Variants in EPB41L3 observed in about 807,000 individuals in gnomAD.
EPB41L3 encodes band 4.1-like protein 3.
EPB41L3 carries 57 observed loss-of-function variants against 127.1 expected under a neutral mutation model. The ratio of observed to expected loss-of-function variants is 0.45; its 90% CI spans 0.36 to 0.56. The LOEUF (loss-of-function observed/expected upper bound fraction) is 0.56, where lower values mean the gene tolerates loss of function less well. Among genes scored for constraint, EPB41L3 ranks in the 20% least tolerant of loss-of-function variants. EPB41L3 has a pLI of 0.00. For missense variants in EPB41L3, 1,273 were observed against 1,372.2 expected (o/e 0.93, Z 1.14); for synonymous variants, 572 against 549.5 (o/e 1.04, Z -0.57).
At chr18:5,547,473 A>G (rs1598897891), upstream of EPB41L3, among the ~76,000 whole-genome samples, 1 of 152,212 alleles carries the variant, frequency 6.6e-6, no homozygotes, top group African/African-American at 2.4e-5. Context: ...ATGGAAAGTC[A>G]GGAAAGATTC....
chr18:5,465,974 A>AC lies in EPB41L3; in HGVS notation c.381+12266_381+12267insG, dbSNP rs11439313. ...TCCATATGTATTACCACCACCAACA[A>AC]AAAAAAAAAAGTAGGAAAAAAACTA... On this transcript the variant is annotated intron_variant, in intron 3 of 22. Coordinates refer to ENST00000341928, the MANE Select transcript of EPB41L3 (RefSeq NM_012307.5). Among the ~76,000 whole-genome samples the AC allele has an allele frequency of 3.7e-3, 548 of 148,604 alleles. 2 individuals are homozygous for AC. Among genetic ancestry groups the AC allele is most frequent in the African/African-American group, 0.012 (496 of 40,772 alleles).
intron 3 of EPB41L3, among the ~76,000 whole-genome samples, chr18:5,571,277 T>C (rs1263112077): frequency 6.6e-6 from 1 of 152,260 alleles, no homozygotes; most frequent in Non-Finnish European, 1.5e-5. Flanking sequence ...GCCTGCCTAT[T>C]AGAAAATTAT....
intron 3 of EPB41L3, among the ~76,000 whole-genome samples, chr18:5,594,209 G>A (rs912930688): frequency 1.1e-4 from 16 of 152,130 alleles, no homozygotes; most frequent in Non-Finnish European, 1.6e-4. Context: ...TTAATTTGGG[G>A]AACTAATAAA....
intron 1 of EPB41L3, among the ~76,000 whole-genome samples, chr18:5,494,114 C>T (rs1417521500): frequency 6.6e-6 from 1 of 152,184 alleles, no homozygotes; most frequent in African/African-American, 2.4e-5. Flanking sequence ...CTCTTCTTCT[C>T]ACTTCTTTAC....
intron 3 of EPB41L3, chr18:5,610,159 C>A: frequency 1.0e-6 from 1 of 985,392 alleles, no homozygotes; most frequent in Non-Finnish European, 1.2e-6. Context: ...TTATCCACGT[C>A]CCAACAAGCA....
At chr18:5,498,425 C>A (rs2091388945) in intron 1 of EPB41L3, among the ~76,000 whole-genome samples, 1 of 151,810 alleles carries the variant, frequency 6.6e-6, no homozygotes, top group Non-Finnish European at 1.5e-5. Flanking sequence ...GAAACCCCAT[C>A]TCTACTAAAA....
intron 1 of EPB41L3, among the ~76,000 whole-genome samples, chr18:5,616,892 G>T (rs1371251145): frequency 5.3e-5 from 8 of 152,144 alleles, no homozygotes; most frequent in African/African-American, 1.9e-4. Context: ...CTTGTCCATA[G>T]ACATTTGTGT....
intron 9 of EPB41L3, among the ~76,000 whole-genome samples, chr18:5,424,662 A>C (rs2077919043): frequency 1.3e-5 from 2 of 152,222 alleles, no homozygotes; most frequent in Admixed American, 1.3e-4. Context: ...TCTTCCAGAA[A>C]TCAATTTGCC....
chr18:5,560,685 C>A (rs2094112579), intron 3 of EPB41L3, among the ~76,000 whole-genome samples: 1 of 152,004 alleles, frequency 6.6e-6, no homozygotes, highest in Non-Finnish European at 1.5e-5. Flanking sequence ...AACATTTGCA[C>A]ATTTATTGAG....
In EPB41L3 at chr18:5,416,125, G is replaced by C; in HGVS notation, c.1760C>G (p.Ser587Cys). Residue 587 changes from serine (S) to cysteine (C), a missense_variant, in exon 13 of 23, where the codon TCC (serine) becomes TGC (cysteine). Ser to Cys is a moderately radical substitution (Grantham distance 112). Transcript: ENST00000341928. ...QQTGKGTTLF[S>C]FSLQLPESFP... ...TGACTCAGGGAGCTGCAAGGAGAAG[G>C]AGAACAGGGTGGTCCCCTTGCCAGT... 1 of 1,613,248 alleles carries C rather than the reference G, an allele frequency of 6.2e-7. No homozygotes were observed. Among genetic ancestry groups the C allele is most frequent in the Non-Finnish European group, 8.5e-7 (1 of 1,179,432 alleles).
intron 1 of EPB41L3, among the ~76,000 whole-genome samples, chr18:5,515,837 T>C (rs2092727723): frequency 6.6e-6 from 1 of 152,178 alleles, no homozygotes; most frequent in South Asian, 2.1e-4. Flanking sequence ...ACCCCTCTCA[T>C]TCCAGCCTAG....
At chr18:5,468,256 G>A (rs1438185662) in intron 3 of EPB41L3, among the ~76,000 whole-genome samples, 2 of 152,178 alleles carry the variant, frequency 1.3e-5, no homozygotes, top group Non-Finnish European at 2.9e-5. Context: ...TGGATGACAT[G>A]TAGATGGTGA....
chr18:5,551,590 C>T (rs1284887011), intron 3 of EPB41L3, among the ~76,000 whole-genome samples: 1 of 152,102 alleles, frequency 6.6e-6, no homozygotes, highest in African/African-American at 2.4e-5. Context: ...CGTAGTGGAG[C>T]ATGCCTGTGG....
intron 1 of EPB41L3, among the ~76,000 whole-genome samples, chr18:5,508,766 CAAAAAAA>C (rs397969769): frequency 1.9e-5 from 1 of 52,596 alleles, no homozygotes; most frequent in Non-Finnish European, 4.2e-5. Flanking sequence ...GACTCCATCT[CAAAAAAA>C]AAAAAAAAAA....
intron 1 of EPB41L3, among the ~76,000 whole-genome samples, chr18:5,493,492 T>G (rs1355384426): frequency 6.6e-6 from 1 of 152,106 alleles, no homozygotes; most frequent in East Asian, 1.9e-4. Flanking sequence ...TATCCACCAG[T>G]CTGCTAAAAA....
chr18:5,590,346 C>A (rs2094475008), intron 3 of EPB41L3, among the ~76,000 whole-genome samples: 1 of 152,102 alleles, frequency 6.6e-6, no homozygotes, highest in Non-Finnish European at 1.5e-5. Context: ...AAATCCAATC[C>A]TGGGCCACTG....
At chr18:5,535,551 T>TA (rs1316013557) in intron 1 of EPB41L3, among the ~76,000 whole-genome samples, 1 of 152,150 alleles carries the variant, frequency 6.6e-6, no homozygotes, top group Non-Finnish European at 1.5e-5. Flanking sequence ...CAAAACTCCC[T>TA]ATATCTCTGG....
chr18:5,629,470 G>A (rs1375590506), upstream of EPB41L3, among the ~76,000 whole-genome samples: 1 of 146,456 alleles, frequency 6.8e-6, no homozygotes, highest in Non-Finnish European at 1.5e-5. Context: ...CGCCCCCCAC[G>A]CCACAAGCCG....
At chr18:5,532,791 T>C (rs551465336) in intron 1 of EPB41L3, among the ~76,000 whole-genome samples, 1 of 152,202 alleles carries the variant, frequency 6.6e-6, no homozygotes, top group South Asian at 2.1e-4. Context: ...GCCTAGGGGA[T>C]TGTCCTTGAT....
Sources: gnomAD v4.1 joint callset for allele counts (sites outside exome capture counted in the v4.1 genomes callset) on GRCh38, gnomAD v4.1.1 for gene constraint, MANE v1.5 for transcripts, NCBI Gene and HGNC (gene_info 2026-07-23, HGNC 2026-07-21) for gene names.